Variants in PRR16 observed in about 807,000 individuals in gnomAD.
The protein encoded by PRR16 is proline rich 16.
Under a neutral mutation model 18.2 loss-of-function variants are expected in PRR16, and 6 were observed. The observed-to-expected ratio is 0.33, with a 90% CI of 0.18 to 0.65. The LOEUF (loss-of-function observed/expected upper bound fraction) is 0.65. Among genes scored for constraint, PRR16 ranks in the 30% least tolerant of loss-of-function variants. The probability of loss-of-function intolerance (pLI) is 0.74; values close to 1 mark genes in which losing one functional copy is unlikely to be tolerated. For synonymous variants in PRR16, 151 were observed against 147.8 expected (o/e 1.02, Z -0.16); for missense variants, 412 against 376.6 (o/e 1.09, Z -0.78).
intron 1 of PRR16, among the ~76,000 whole-genome samples, chr5:120,529,977 G>A (rs1389893394): frequency 6.6e-6 from 1 of 150,890 alleles, no homozygotes; most frequent in African/African-American, 2.4e-5. Context: ...TTTGGGTGCT[G>A]GGAGGAAATG....
the PRR16 span, among the ~76,000 whole-genome samples, chr5:120,695,421 T>A: frequency 3.9e-5 from 6 of 152,214 alleles, no homozygotes; most frequent in South Asian, 1.0e-3. Flanking sequence ...CTCATTTTTT[T>A]AAATCTAAGT....
intron 1 of PRR16, among the ~76,000 whole-genome samples, chr5:120,555,677 G>C (rs1388196421): frequency 6.6e-6 from 1 of 151,790 alleles, no homozygotes; most frequent in East Asian, 1.9e-4. Flanking sequence ...TTTGGGGTTA[G>C]GGCTTCAACA....
intron 1 of PRR16, among the ~76,000 whole-genome samples, chr5:120,656,467 CAAAAAAA>C (rs34228222): frequency 1.6e-4 from 15 of 93,474 alleles, no homozygotes; most frequent in African/African-American, 5.3e-4. Flanking sequence ...TAATCACTCT[CAAAAAAA>C]AAAAAAAAAA....
At chr5:120,601,694 T>A (rs1197777145) in intron 1 of PRR16, among the ~76,000 whole-genome samples, 1 of 152,106 alleles carries the variant, frequency 6.6e-6, no homozygotes, top group Non-Finnish European at 1.5e-5. Context: ...TTTTATAGTG[T>A]GAGGCCTTAC....
chr5:120,770,727 C>A, the PRR16 span, among the ~76,000 whole-genome samples: 1 of 151,942 alleles, frequency 6.6e-6, no homozygotes, highest in Non-Finnish European at 1.5e-5. Context: ...CTCAAGTAGA[C>A]AAATAACCCA....
intron 1 of PRR16, among the ~76,000 whole-genome samples, chr5:120,559,161 C>T (rs919942233): frequency 2.0e-5 from 3 of 151,606 alleles, no homozygotes; most frequent in African/African-American, 7.3e-5. Context: ...GATGTGATCC[C>T]GTTTGTTTCT....
At chr5:120,752,686 C>G in the PRR16 span, among the ~76,000 whole-genome samples, 1 of 151,946 alleles carries the variant, frequency 6.6e-6, no homozygotes, top group African/African-American at 2.4e-5. Context: ...TCTTTTATAT[C>G]TAGCTCAGAA....
At chr5:120,650,858 G>A (rs1755758622) in intron 1 of PRR16, among the ~76,000 whole-genome samples, 1 of 152,168 alleles carries the variant, frequency 6.6e-6, no homozygotes, top group East Asian at 1.9e-4. Flanking sequence ...AGGGATTGCT[G>A]GGTCAAATGG....
At chr5:120,644,683 G>T (rs1427419427) in intron 1 of PRR16, among the ~76,000 whole-genome samples, 1 of 152,188 alleles carries the variant, frequency 6.6e-6, no homozygotes, top group East Asian at 1.9e-4. Flanking sequence ...ATGATGCATA[G>T]TCATGATTCT....
At chr5:120,685,845 A>G (rs1757099985) in intron 1 of PRR16, 109 bp from the exon 2 acceptor site, 3 of 1,109,920 alleles carry the variant, frequency 2.7e-6, no homozygotes, top group Admixed American at 2.5e-5. Context: ...GTTCAGTTCA[A>G]TATCAGTTAA....
intron 1 of PRR16, among the ~76,000 whole-genome samples, chr5:120,635,803 C>T (rs1469764028): frequency 1.3e-5 from 2 of 151,914 alleles, no homozygotes; most frequent in Admixed American, 6.6e-5. Context: ...AAAGGGCACT[C>T]GAATCGGTAA....
At chr5:120,698,296 A>G in the PRR16 span, among the ~76,000 whole-genome samples, 44,920 of 151,594 alleles carry the variant, frequency 0.3, 7,044 homozygotes, top group Middle Eastern at 0.49. Flanking sequence ...GCCTGGATAC[A>G]GTTTTGTATG....
chr5:120,786,493 T>C, the PRR16 span, among the ~76,000 whole-genome samples: 5 of 149,950 alleles, frequency 3.3e-5, no homozygotes, highest in Middle Eastern at 3.3e-3. Context: ...ACATGACACA[T>C]TGTCCTATAG....
intron 1 of PRR16, among the ~76,000 whole-genome samples, chr5:120,470,209 A>T (rs1289852918): frequency 6.6e-6 from 1 of 152,160 alleles, no homozygotes; most frequent in African/African-American, 2.4e-5. Flanking sequence ...TCGCTGATTC[A>T]ACTCTGATTG....
At chr5:120,719,251 T>C in the PRR16 span, among the ~76,000 whole-genome samples, 1 of 152,048 alleles carries the variant, frequency 6.6e-6, no homozygotes, top group East Asian at 1.9e-4. Context: ...GTGAGTTTGA[T>C]TGACCAGAGT....
the PRR16 span, among the ~76,000 whole-genome samples, chr5:120,694,559 C>A: frequency 6.6e-6 from 1 of 151,824 alleles, no homozygotes; most frequent in Non-Finnish European, 1.5e-5. Context: ...TGGCGGGCGC[C>A]TGTAGTCCCA....
intron 1 of PRR16, among the ~76,000 whole-genome samples, chr5:120,613,159 A>G (rs183570659): frequency 4.3e-4 from 66 of 152,302 alleles, no homozygotes; most frequent in African/African-American, 1.4e-3. Flanking sequence ...CTATAATGTC[A>G]AGTAAAATGA....
intron 1 of PRR16, among the ~76,000 whole-genome samples, chr5:120,496,335 G>A (rs1455144152): frequency 6.6e-6 from 1 of 151,980 alleles, no homozygotes; most frequent in Non-Finnish European, 1.5e-5. Context: ...CTCTGGAACT[G>A]CAGATTTTCT....
chr5:120,624,079 C>T (rs1323242176), intron 1 of PRR16, among the ~76,000 whole-genome samples: 1 of 152,042 alleles, frequency 6.6e-6, no homozygotes, highest in Non-Finnish European at 1.5e-5. Context: ...AGATTTTTCA[C>T]AGTGGGGTAT....
Sources: allele counts gnomAD v4.1 joint callset (sites outside exome capture counted in the v4.1 genomes callset), GRCh38; gene constraint gnomAD v4.1.1; transcripts MANE v1.5; gene names NCBI Gene and HGNC (gene_info 2026-07-23, HGNC 2026-07-21).